MGMT: variants seen among roughly 807,000 people sequenced by gnomAD.
MGMT encodes O-6-methylguanine-DNA methyltransferase, also known as methylated-DNA--protein-cysteine methyltransferase.
A neutral mutation model predicts 15.9 loss-of-function variants in MGMT; 14 were observed. That is an observed-to-expected ratio of 0.88 (90% CI 0.58 to 1.37). The LOEUF is 1.37. Ranked by LOEUF, MGMT falls within the 40% of genes most tolerant of loss-of-function variation. The pLI, the probability that MGMT is intolerant of heterozygous loss-of-function variation, is 0.00. For missense variants in MGMT, 282 were observed against 268.1 expected (o/e 1.05, Z -0.36); for synonymous variants, 130 against 118.2 (o/e 1.10, Z -0.65).
At chr10:129,630,057 A>G (rs1260415645) in intron 2 of MGMT, among the ~76,000 whole-genome samples, 1 of 152,214 alleles carries the variant, frequency 6.6e-6, no homozygotes. Flanking sequence ...GAGGGCCTGG[A>G]CAGTTGTTCT....
intron 2 of MGMT, among the ~76,000 whole-genome samples, chr10:129,564,677 C>G (rs1247194320): frequency 3.2e-5 from 4 of 124,426 alleles, no homozygotes; most frequent in Non-Finnish European, 5.1e-5. Flanking sequence ...CCCCTCCTCT[C>G]CTTCCTCCTC....
At chr10:129,733,390 CT>C (rs1294545158) in intron 3 of MGMT, among the ~76,000 whole-genome samples, 5 of 151,952 alleles carry the variant, frequency 3.3e-5, no homozygotes, top group African/African-American at 9.7e-5. Context: ...CCTTCGCCCA[CT>C]TTTTTGATGG....
chr10:129,600,268 T>C (rs1423729626), intron 2 of MGMT, among the ~76,000 whole-genome samples: 4 of 152,106 alleles, frequency 2.6e-5, no homozygotes, highest in African/African-American at 9.7e-5. Context: ...TAGTTCGTGG[T>C]TAGGGGTAGC....
chr10:129,668,438 G>GT (rs918083902), intron 2 of MGMT, among the ~76,000 whole-genome samples: 10 of 152,118 alleles, frequency 6.6e-5, no homozygotes, highest in African/African-American at 2.4e-4. Context: ...AGTTGGTTTT[G>GT]TTTTTTGTTG....
rs1392926537 is a variant in MGMT at position 129,659,173 on chromosome 10, A to C, written c.126-48722A>C. Among the ~76,000 whole-genome samples the C allele has an allele frequency of 6.6e-6, 1 of 152,088 alleles. No individual in the cohort carries two copies. The highest frequency in any genetic ancestry group is 6.5e-5 in the Admixed American group (1 of 15,268). ...GGAGTTCGAGACCAGCCTGGCCAAC[A>C]CAGTGAAACCCCATCTCTACTAAAA... On this transcript the variant is annotated intron_variant, in intron 2 of 4. Transcript: ENST00000651593. The surrounding 1 kb of genome is among the most constrained non-coding windows in gnomAD (Gnocchi z 4.1).
intron 1 of MGMT, among the ~76,000 whole-genome samples, chr10:129,515,824 G>T (rs1370572707): frequency 6.7e-6 from 1 of 149,590 alleles, no homozygotes; most frequent in Admixed American, 6.6e-5. Flanking sequence ...CTCTAACAGA[G>T]GTGCAGTCTT....
chr10:129,570,682 T>G (rs952727004), intron 2 of MGMT, among the ~76,000 whole-genome samples: 1 of 152,246 alleles, frequency 6.6e-6, no homozygotes, highest in African/African-American at 2.4e-5. Flanking sequence ...TTTTTATGAT[T>G]TGTTTAATTT....
At chr10:129,738,700 T>C (rs1351578935) in intron 3 of MGMT, among the ~76,000 whole-genome samples, 1 of 152,218 alleles carries the variant, frequency 6.6e-6, no homozygotes, top group African/African-American at 2.4e-5. Context: ...AGTAGCATGA[T>C]TCACAGCTGA....
At chr10:129,609,831 C>T (rs1301777874) in intron 2 of MGMT, among the ~76,000 whole-genome samples, 6 of 152,078 alleles carry the variant, frequency 3.9e-5, no homozygotes, top group Admixed American at 2.6e-4. Flanking sequence ...CCTGGGGGGA[C>T]ACCACCACGG....
At chr10:129,469,378 A>G (rs192166535) in intron 1 of MGMT, among the ~76,000 whole-genome samples, 1 of 152,290 alleles carries the variant, frequency 6.6e-6, no homozygotes, top group East Asian at 1.9e-4. Flanking sequence ...TCTTTTCAGT[A>G]TATTCTCTTT....
intron 4 of MGMT, among the ~76,000 whole-genome samples, chr10:129,762,335 A>C (rs771740615): frequency 2.6e-5 from 4 of 152,234 alleles, no homozygotes; most frequent in Non-Finnish European, 5.9e-5. Flanking sequence ...GGCTTGCAAT[A>C]AACAGGAGCA....
At chr10:129,534,271 C>G (rs896362274) in intron 1 of MGMT, among the ~76,000 whole-genome samples, 1 of 152,108 alleles carries the variant, frequency 6.6e-6, no homozygotes, top group Non-Finnish European at 1.5e-5. Flanking sequence ...CTCGGGAAGC[C>G]TGGTTTTTAC....
chr10:129,631,147 C>T (rs963020384), intron 2 of MGMT, among the ~76,000 whole-genome samples: 3 of 150,892 alleles, frequency 2.0e-5, no homozygotes, highest in Admixed American at 2.0e-4. Flanking sequence ...TGAAACCAGT[C>T]TGCTTTTTTT....
intron 4 of MGMT, among the ~76,000 whole-genome samples, chr10:129,759,644 C>T (rs1431077314): frequency 6.6e-6 from 1 of 152,108 alleles, no homozygotes; most frequent in Non-Finnish European, 1.5e-5. Flanking sequence ...AGAGGGTGCC[C>T]CACCTGCTCA....
chr10:129,644,285 C>T (rs1847360642), intron 2 of MGMT, among the ~76,000 whole-genome samples: 1 of 152,210 alleles, frequency 6.6e-6, no homozygotes, highest in Non-Finnish European at 1.5e-5. Context: ...CATTGAAGTA[C>T]ATTGAGTACA....
chr10:129,719,601 G>A (rs554496598), intron 3 of MGMT, among the ~76,000 whole-genome samples: 1 of 152,276 alleles, frequency 6.6e-6, no homozygotes, highest in African/African-American at 2.4e-5. Context: ...TCCTCTGGGC[G>A]TGCATCGCTC....
chr10:129,621,110 A>G (rs905416702), intron 2 of MGMT, among the ~76,000 whole-genome samples: 8 of 152,184 alleles, frequency 5.3e-5, no homozygotes, highest in African/African-American at 1.9e-4. Flanking sequence ...TGGGTATGCA[A>G]TTACGTTTAA....
At chr10:129,752,284 T>C (rs1228017992) in intron 3 of MGMT, among the ~76,000 whole-genome samples, 2 of 152,024 alleles carry the variant, frequency 1.3e-5, no homozygotes, top group Non-Finnish European at 2.9e-5. Flanking sequence ...AAGTCTGCTT[T>C]GTCTTTTATT....
chr10:129,740,970 C>T (rs951252461), intron 3 of MGMT, among the ~76,000 whole-genome samples: 2 of 152,202 alleles, frequency 1.3e-5, no homozygotes, highest in Admixed American at 1.3e-4. Context: ...ACCCGTTTCC[C>T]TAACGTTGCT....
Sources: gnomAD v4.1 joint callset for allele counts (sites outside exome capture counted in the v4.1 genomes callset) on GRCh38, gnomAD v4.1.1 for gene constraint, Gnocchi (gnomAD v3.1) non-coding constraint, MANE v1.5 for transcripts, NCBI Gene and HGNC (gene_info 2026-07-23, HGNC 2026-07-21) for gene names.